CADM2: variants seen among roughly 807,000 people sequenced by gnomAD.
The protein encoded by CADM2 is cell adhesion molecule 2, also known as immunoglobulin superfamily member 4D.
A neutral mutation model predicts 49.8 loss-of-function variants in CADM2; 12 were observed. That is an observed-to-expected ratio of 0.24 (90% CI 0.15 to 0.39). CADM2 has a LOEUF of 0.39. Ranked by LOEUF, CADM2 falls within the 10% of genes least tolerant of loss-of-function variation. CADM2 has a pLI of 1.00. For synonymous variants in CADM2, 214 were observed against 175.4 expected (o/e 1.22, Z -1.74); for missense variants, 378 against 492.3 (o/e 0.77, Z 2.20).
intron 1 of CADM2, among the ~76,000 whole-genome samples, chr3:85,515,284 A>G (rs1266849827): frequency 6.6e-6 from 1 of 152,142 alleles, no homozygotes; most frequent in Non-Finnish European, 1.5e-5. Flanking sequence ...ATCACCTTTT[A>G]GATTAGTTAA....
chr3:85,472,459 G>A (rs542316757), intron 1 of CADM2, among the ~76,000 whole-genome samples: 2 of 151,944 alleles, frequency 1.3e-5, no homozygotes, highest in South Asian at 2.1e-4. Flanking sequence ...TGTAGATACC[G>A]ATGAGGATAT....
chr3:85,356,425 A>G (rs1388516179), intron 1 of CADM2, among the ~76,000 whole-genome samples: 1 of 152,150 alleles, frequency 6.6e-6, no homozygotes, highest in Non-Finnish European at 1.5e-5. Context: ...TCCAGGAGTC[A>G]GAGAGGTTGG....
At chr3:85,725,825 G>T (rs1303692808) in intron 1 of CADM2, among the ~76,000 whole-genome samples, 1 of 151,900 alleles carries the variant, frequency 6.6e-6, no homozygotes, top group African/African-American at 2.4e-5. Flanking sequence ...TTTTTATTTG[G>T]CTTTGTAGAA....
At chr3:85,117,633 A>G (rs1048430571) in intron 1 of CADM2, among the ~76,000 whole-genome samples, 1 of 152,176 alleles carries the variant, frequency 6.6e-6, no homozygotes, top group Non-Finnish European at 1.5e-5. Context: ...TAATATCACT[A>G]ATGAATTGTT....
chr3:86,037,888 G>T (rs1735362395), intron 8 of CADM2, among the ~76,000 whole-genome samples: 1 of 152,176 alleles, frequency 6.6e-6, no homozygotes, highest in South Asian at 2.1e-4. Context: ...CAGGTTTGTT[G>T]CATAAGTATA....
At chr3:85,233,043 A>C (rs980404752) in intron 1 of CADM2, among the ~76,000 whole-genome samples, 1 of 152,200 alleles carries the variant, frequency 6.6e-6, no homozygotes, top group African/African-American at 2.4e-5. Context: ...ATATAGTGGA[A>C]TATTACTTAT....
intron 1 of CADM2, among the ~76,000 whole-genome samples, chr3:85,261,824 A>T (rs2043019774): frequency 6.6e-6 from 1 of 152,126 alleles, no homozygotes; most frequent in African/African-American, 2.4e-5. Flanking sequence ...AAAACAAAAC[A>T]AAGTCACCTT....
rs1026207824 is a variant in CADM2 at position 85,996,918 on chromosome 3, C to A, written c.970+35271C>A. On this transcript the variant is annotated intron_variant, in intron 8 of 9. Coordinates refer to ENST00000383699, the MANE Select transcript of CADM2 (RefSeq NM_001167675.2). ...TGCTTTTGAAATTCCTGTTCTTACACTTCTTCATCATTCCTACCAGTCTAG... is the reference window on the plus strand; with the variant it reads ...TGCTTTTGAAATTCCTGTTCTTACAATTCTTCATCATTCCTACCAGTCTAG... 4.4e-4 allele frequency among the ~76,000 whole-genome samples: 67 copies of A among 152,140 alleles called. 2 individuals are homozygous for A. Among genetic ancestry groups the A allele is most frequent in the Non-Finnish European group, 4.4e-5 (3 of 68,024 alleles).
At chr3:85,262,171 G>A (rs2043026228) in intron 1 of CADM2, among the ~76,000 whole-genome samples, 1 of 152,032 alleles carries the variant, frequency 6.6e-6, no homozygotes, top group Admixed American at 6.6e-5. Flanking sequence ...TTAAATTTCA[G>A]GGAAATAAAA....
chr3:85,908,331 G>A (rs971249247), intron 5 of CADM2, among the ~76,000 whole-genome samples: 6 of 140,780 alleles, frequency 4.3e-5, no homozygotes, highest in Admixed American at 2.3e-4. Context: ...TCCAGTGCTC[G>A]AACTTAAATT....
At chr3:85,555,977 T>A (rs1044940974) in intron 1 of CADM2, among the ~76,000 whole-genome samples, 6 of 152,132 alleles carry the variant, frequency 3.9e-5, no homozygotes, top group Admixed American at 1.3e-4. Flanking sequence ...AACATATATA[T>A]GATTTTATTT....
At chr3:84,994,834 C>A (rs1559607551) in intron 1 of CADM2, among the ~76,000 whole-genome samples, 1 of 151,984 alleles carries the variant, frequency 6.6e-6, no homozygotes, top group Non-Finnish European at 1.5e-5. Flanking sequence ...CGAGAGCAGC[C>A]TGGCAAACAC....
At chr3:85,781,789 T>A (rs1023593432) in intron 2 of CADM2, among the ~76,000 whole-genome samples, 1 of 152,206 alleles carries the variant, frequency 6.6e-6, no homozygotes, top group Non-Finnish European at 1.5e-5. Flanking sequence ...TTCTATTTTC[T>A]TTCACAAAGC....
intron 8 of CADM2, among the ~76,000 whole-genome samples, chr3:85,977,939 C>G (rs934226232): frequency 6.6e-6 from 1 of 151,500 alleles, no homozygotes; most frequent in Admixed American, 6.6e-5. Context: ...GTGAGTAGGG[C>G]TATTTATCAG....
rs532223877 is a variant in CADM2, at chr3:85,933,038, A to G, written c.701-2729A>G. Among the ~76,000 whole-genome samples, 39 of 152,278 alleles carry G rather than the reference A, an allele frequency of 2.6e-4. No homozygotes were observed. The South Asian group carries it at 8.1e-3, about 32-fold the overall frequency. ...GCCTCTCCTGTACTGCTTAAACTAA[A>G]CAGGCAGAGCAAAGCCACATTGTGC... On this transcript the variant is annotated intron_variant, in intron 6 of 9. Coordinates refer to ENST00000383699, the MANE Select transcript of CADM2 (RefSeq NM_001167675.2).
At chr3:85,793,272 C>A (rs909462080) in intron 2 of CADM2, among the ~76,000 whole-genome samples, 1 of 151,992 alleles carries the variant, frequency 6.6e-6, no homozygotes, top group Non-Finnish European at 1.5e-5. Flanking sequence ...CTGCATAACT[C>A]CTGAAACTAA....
intron 8 of CADM2, among the ~76,000 whole-genome samples, chr3:86,047,803 A>C (rs1002710370): frequency 3.9e-5 from 6 of 152,194 alleles, no homozygotes; most frequent in Admixed American, 6.5e-5. Flanking sequence ...AAATACTCTC[A>C]CATTTCGAGT....
intron 7 of CADM2, among the ~76,000 whole-genome samples, chr3:85,944,839 T>C (rs1722441787): frequency 2.0e-5 from 3 of 151,864 alleles, no homozygotes; most frequent in African/African-American, 4.8e-5. Context: ...AGATCTAAAA[T>C]TGACACCCTA....
chr3:85,529,793 C>G (rs1467115439), intron 1 of CADM2, among the ~76,000 whole-genome samples: 1 of 152,022 alleles, frequency 6.6e-6, no homozygotes, highest in Non-Finnish European at 1.5e-5. Flanking sequence ...CTATGATACT[C>G]AGATTCACTC....
Sources: gnomAD v4.1 joint callset for allele counts (sites outside exome capture counted in the v4.1 genomes callset) on GRCh38, gnomAD v4.1.1 for gene constraint, MANE v1.5 for transcripts, NCBI Gene and HGNC (gene_info 2026-07-23, HGNC 2026-07-21) for gene names.